Variants in TBCK observed in about 807,000 individuals in gnomAD.
TBCK encodes TBC1 domain containing kinase.
TBCK carries 99 observed loss-of-function variants against 113.4 expected under a neutral mutation model. The ratio of observed to expected loss-of-function variants is 0.87; its 90% CI spans 0.74 to 1.03. The LOEUF (loss-of-function observed/expected upper bound fraction) is 1.03, where lower values mean the gene tolerates loss of function less well. Ranked by LOEUF, TBCK falls within the 50% of genes least tolerant of loss-of-function variation. TBCK has a pLI of 0.00. For synonymous variants in TBCK, 369 were observed against 370.8 expected, an observed-to-expected ratio of 1.00 and a Z score of 0.05; for missense variants, 1,045 against 1,061.3, an observed-to-expected ratio of 0.98 and a Z score of 0.21.
intron 3 of TBCK, among the ~76,000 whole-genome samples, chr4:106,271,013 G>A (rs1312670944): frequency 6.6e-6 from 1 of 152,088 alleles, no homozygotes; most frequent in Non-Finnish European, 1.5e-5. Flanking sequence ...TAAATAGGAA[G>A]GCAGACAAAG....
intron 23 of TBCK, among the ~76,000 whole-genome samples, chr4:106,149,750 T>C (rs1348146926): frequency 1.3e-5 from 2 of 152,166 alleles, no homozygotes; most frequent in African/African-American, 2.4e-5. Flanking sequence ...AGTGGGCACA[T>C]ATTGTTAGAA....
chr4:106,146,514 G>A (rs2149668933), intron 23 of TBCK, among the ~76,000 whole-genome samples: 1 of 152,262 alleles, frequency 6.6e-6, no homozygotes, highest in South Asian at 2.1e-4. Context: ...CCTGGGTGAT[G>A]TAATAATATG....
At chr4:106,150,891 T>C (rs548476387) in intron 23 of TBCK, among the ~76,000 whole-genome samples, 1 of 152,116 alleles carries the variant, frequency 6.6e-6, no homozygotes, top group African/African-American at 2.4e-5. Context: ...AATACAAATA[T>C]ATTGAGAACA....
At chr4:106,183,173 A>G (rs189001719) in intron 22 of TBCK, among the ~76,000 whole-genome samples, 269 of 152,174 alleles carry the variant, frequency 1.8e-3, no homozygotes, top group African/African-American at 6.0e-3. Context: ...GCTTAGAATC[A>G]TAGCATTTCA....
rs1579547239 is a variant in TBCK at position 106,295,223 on chromosome 4, A to C, written c.194-57T>G. 2.1e-6 allele frequency: 3 copies of C among 1,457,770 alleles called. No individual in the cohort carries two copies. The East Asian group carries it at 6.8e-5, about 33-fold the overall frequency. The allele number at this position is 1,457,770 out of a possible 1,614,324, so 90.3% of individuals were successfully genotyped here. On this transcript the variant is annotated intron_variant, in intron 2 of 25. Coordinates refer to ENST00000394708, the MANE Select transcript of TBCK (RefSeq NM_001163435.3). ...TTTATCAATACAACATGTTAAAAAC[A>C]AAATAATACTCTCCACTGATGATAT...
intron 23 of TBCK, among the ~76,000 whole-genome samples, chr4:106,125,256 C>T (rs922482388): frequency 6.6e-6 from 1 of 151,966 alleles, no homozygotes; most frequent in Non-Finnish European, 1.5e-5. Flanking sequence ...ATGAGGATAT[C>T]GAAGAAATAT....
intron 12 of TBCK, among the ~76,000 whole-genome samples, chr4:106,239,830 A>G (rs201293254): frequency 8.9e-6 from 1 of 112,434 alleles, no homozygotes; most frequent in East Asian, 2.6e-4. Flanking sequence ...TAATCATATA[A>G]AGTCTTTCAG....
intron 23 of TBCK, among the ~76,000 whole-genome samples, chr4:106,158,852 C>T (rs777281551): frequency 6.6e-6 from 1 of 152,042 alleles, no homozygotes; most frequent in Non-Finnish European, 1.5e-5. Context: ...AAACGGAATA[C>T]TAAAGACAAA....
At chr4:106,197,912 C>T (rs1157396806) in intron 20 of TBCK, among the ~76,000 whole-genome samples, 2 of 152,104 alleles carry the variant, frequency 1.3e-5, no homozygotes, top group African/African-American at 4.8e-5. Context: ...TTTTGGTTCT[C>T]ATTCTTCTTT....
At chr4:106,185,916 T>C (rs889765209) in intron 22 of TBCK, among the ~76,000 whole-genome samples, 5 of 152,152 alleles carry the variant, frequency 3.3e-5, no homozygotes, top group African/African-American at 1.2e-4. Flanking sequence ...TGGTGTCTAT[T>C]GTTCTCTTCG....
At chr4:106,070,891 A>G (rs1737335763) in intron 25 of TBCK, among the ~76,000 whole-genome samples, 1 of 152,052 alleles carries the variant, frequency 6.6e-6, no homozygotes. Flanking sequence ...TGTGTCCAGG[A>G]ATTTATCCAT....
chr4:106,155,615 C>T (rs781065648), intron 23 of TBCK, among the ~76,000 whole-genome samples: 9 of 151,968 alleles, frequency 5.9e-5, no homozygotes, highest in African/African-American at 1.5e-4. Flanking sequence ...TATTTTCAAA[C>T]GGCCTGTCTT....
At chr4:106,197,235 C>G (rs779742401) in intron 20 of TBCK, among the ~76,000 whole-genome samples, 2 of 151,762 alleles carry the variant, frequency 1.3e-5, no homozygotes, top group Non-Finnish European at 2.9e-5. Context: ...GGTGGCTATA[C>G]TCTTCAGGAG....
chr4:106,242,133 A>G (rs528275252), intron 12 of TBCK, among the ~76,000 whole-genome samples: 104 of 152,118 alleles, frequency 6.8e-4, no homozygotes, highest in South Asian at 6.2e-4. Context: ...CACTATAATC[A>G]GGAAATTAAA....
rs14733 is a variant in TBCK at position 106,046,273 on chromosome 4, T to A, written c.*297A>T. 0.038 allele frequency: 9,086 copies of A among 237,796 alleles called. 255 individuals carry two copies. Among genetic ancestry groups the A allele is most frequent in the Non-Finnish European group, 0.056 (6,827 of 122,820 alleles). 14.7% of individuals were successfully genotyped at this position (237,796 alleles called of 1,614,324 possible). On this transcript the variant is annotated 3_prime_UTR_variant, in exon 26 of 26. Transcript: ENST00000394708. Reference sequence around the variant, plus strand: ...TTTCAGGGCAAATGGGATTTCTTGATAATGCTAAATCTGTCTTGTCAGCTG... The same window carrying A: ...TTTCAGGGCAAATGGGATTTCTTGAAAATGCTAAATCTGTCTTGTCAGCTG...
chr4:106,313,568 TA>T (rs891843135), intron 1 of TBCK, among the ~76,000 whole-genome samples: 2 of 152,150 alleles, frequency 1.3e-5, no homozygotes, highest in African/African-American at 4.8e-5. Context: ...TCCAGGGAAA[TA>T]GGGGGAAGCC....
intron 3 of TBCK, among the ~76,000 whole-genome samples, chr4:106,275,346 C>T (rs759145159): frequency 4.6e-5 from 7 of 152,010 alleles, no homozygotes; most frequent in Non-Finnish European, 8.8e-5. Context: ...AAATACTTAA[C>T]ATTTTTCCCT....
At chr4:106,048,365 T>C (rs926740086) in intron 25 of TBCK, among the ~76,000 whole-genome samples, 5 of 152,144 alleles carry the variant, frequency 3.3e-5, no homozygotes, top group Non-Finnish European at 5.9e-5. Flanking sequence ...CGGCTGTTCA[T>C]ATTTCACATC....
At chr4:106,198,648 T>C (rs1372018627) in intron 20 of TBCK, among the ~76,000 whole-genome samples, 1 of 152,158 alleles carries the variant, frequency 6.6e-6, no homozygotes, top group Non-Finnish European at 1.5e-5. Context: ...GTATTATATA[T>C]AATCATGGTA....
Sources: gnomAD v4.1 joint callset for allele counts (sites outside exome capture counted in the v4.1 genomes callset) on GRCh38, gnomAD v4.1.1 for gene constraint, MANE v1.5 for transcripts, NCBI Gene and HGNC (gene_info 2026-07-23, HGNC 2026-07-21) for gene names.